ADGRB3: variants seen among roughly 807,000 people sequenced by gnomAD.
The protein encoded by ADGRB3 is adhesion G protein-coupled receptor B3.
In ADGRB3, 37 loss-of-function variants were observed where a neutral mutation model predicts 193.4. The observed-to-expected ratio is 0.19, with a 90% CI of 0.15 to 0.25. ADGRB3 has a LOEUF of 0.25. ADGRB3 is among the 10% of genes least tolerant of loss of function. The pLI is 1.00. For missense variants in ADGRB3, 1,637 were observed against 1,852.9 expected (o/e 0.88, Z 2.14); for synonymous variants, 690 against 644.2 (o/e 1.07, Z -1.08).
chr6:68,857,726 G>T (rs984079530), intron 3 of ADGRB3, among the ~76,000 whole-genome samples: 1 of 152,188 alleles, frequency 6.6e-6, no homozygotes, highest in Non-Finnish European at 1.5e-5. Flanking sequence ...TTGGGGGACT[G>T]TTGGGAAGGC....
At chr6:69,154,930 T>C (rs1400382705) in intron 17 of ADGRB3, among the ~76,000 whole-genome samples, 1 of 152,256 alleles carries the variant, frequency 6.6e-6, no homozygotes, top group African/African-American at 2.4e-5. Flanking sequence ...AGCATATTCT[T>C]ACAAGTGAAG....
chr6:69,281,531 A>T (rs1374309721), intron 20 of ADGRB3, among the ~76,000 whole-genome samples: 1 of 152,200 alleles, frequency 6.6e-6, no homozygotes, highest in Non-Finnish European at 1.5e-5. Context: ...TGCAAATTCT[A>T]GAGGCCTGGC....
At chr6:68,925,400 C>T (rs1767151578) in intron 3 of ADGRB3, among the ~76,000 whole-genome samples, 1 of 151,854 alleles carries the variant, frequency 6.6e-6, no homozygotes, top group African/African-American at 2.4e-5. Flanking sequence ...AAATATGAGC[C>T]TATAAGGCAT....
chr6:68,895,692 C>T (rs1766200235), intron 3 of ADGRB3, among the ~76,000 whole-genome samples: 1 of 151,878 alleles, frequency 6.6e-6, no homozygotes, highest in African/African-American at 2.4e-5. Context: ...TGAGCAAAAT[C>T]ACCAAATAAC....
chr6:69,091,033 G>GA (rs1279816550), intron 17 of ADGRB3, among the ~76,000 whole-genome samples: 1 of 152,086 alleles, frequency 6.6e-6, no homozygotes, highest in Non-Finnish European at 1.5e-5. Flanking sequence ...ATAATCATAT[G>GA]AAAAAAGGTT....
At chr6:68,753,858 A>AT (rs1219096023) in intron 3 of ADGRB3, among the ~76,000 whole-genome samples, 6 of 152,030 alleles carry the variant, frequency 3.9e-5, no homozygotes, top group Admixed American at 6.6e-5. Flanking sequence ...CCCAGTTGAA[A>AT]TTTTTTTTCT....
chr6:69,202,295 T>C (rs1421464083), intron 17 of ADGRB3, among the ~76,000 whole-genome samples: 2 of 152,170 alleles, frequency 1.3e-5, no homozygotes, highest in Non-Finnish European at 2.9e-5. Context: ...AAGTTATCTA[T>C]GGTATCTAGG....
At chr6:68,764,807 G>A (rs1442397311) in intron 3 of ADGRB3, among the ~76,000 whole-genome samples, 3 of 152,098 alleles carry the variant, frequency 2.0e-5, no homozygotes, top group African/African-American at 7.2e-5. Context: ...ATCTTGAAAT[G>A]TTTCAACATG....
chr6:69,281,665 A>G (rs554555160), intron 20 of ADGRB3, among the ~76,000 whole-genome samples: 1 of 152,292 alleles, frequency 6.6e-6, no homozygotes. Flanking sequence ...TCTGGATTAG[A>G]GCACAGTCCA....
chr6:69,123,487 A>G (rs1368809411), intron 17 of ADGRB3, among the ~76,000 whole-genome samples: 1 of 152,210 alleles, frequency 6.6e-6, no homozygotes, highest in African/African-American at 2.4e-5. Flanking sequence ...ACAGTGAACT[A>G]AACAAGCAAG....
intron 20 of ADGRB3, among the ~76,000 whole-genome samples, chr6:69,248,966 G>T (rs1273500142): frequency 6.6e-6 from 1 of 152,102 alleles, no homozygotes; most frequent in African/African-American, 2.4e-5. Flanking sequence ...AAAACACTTT[G>T]AATTTCTTCT....
At chr6:68,650,978 T>C (rs1257235153) in intron 3 of ADGRB3, among the ~76,000 whole-genome samples, 2 of 152,234 alleles carry the variant, frequency 1.3e-5, no homozygotes, top group Non-Finnish European at 2.9e-5. Flanking sequence ...TTATGTTTAC[T>C]ACTTATAAAA....
At chr6:69,210,264 A>G (rs1377202203) in intron 17 of ADGRB3, among the ~76,000 whole-genome samples, 1 of 149,870 alleles carries the variant, frequency 6.7e-6, no homozygotes, top group Non-Finnish European at 1.5e-5. Flanking sequence ...TTGAGTTCCA[A>G]AACTGAAGAA....
chr6:69,024,588 A>G (rs1770370962), intron 13 of ADGRB3, among the ~76,000 whole-genome samples: 1 of 152,230 alleles, frequency 6.6e-6, no homozygotes, highest in East Asian at 1.9e-4. Context: ...TAGGCTAAAT[A>G]AGATCTTCAA....
rs535780607 is a variant in ADGRB3, at chr6:68,864,863, A to G, written c.758-65696A>G. Among the ~76,000 whole-genome samples the G allele has an allele frequency of 1.9e-3, 282 of 147,694 alleles. 2 individuals are homozygous for G. Among genetic ancestry groups the G allele is most frequent in the Non-Finnish European group, 3.4e-3 (226 of 66,482 alleles). On this transcript the variant is annotated intron_variant, in intron 3 of 31. Coordinates refer to ENST00000370598, the MANE Select transcript of ADGRB3 (RefSeq NM_001704.3). ...TCTCTAGGTTATTAATTTGTAAGAC[A>G]TTATAAATGTAGCAAGTAGTATCTG...
In ADGRB3 at chr6:68,833,583, G is replaced by A. The variant is rs148057601; in HGVS notation, c.758-96976G>A. ...GATAAGTATTCTTATATTAAAGAAT[G>A]AAGTATTTGAACTTAGAATCTTCAT... On this transcript the variant is annotated intron_variant, in intron 3 of 31. Coordinates refer to ENST00000370598, the MANE Select transcript of ADGRB3 (RefSeq NM_001704.3). 2.1e-3 allele frequency among the ~76,000 whole-genome samples: 230 copies of A among 109,114 alleles called. 10 individuals carry two copies. Among genetic ancestry groups the A allele is most frequent in the Admixed American group, 4.4e-3 (44 of 9,954 alleles). 71.6% of individuals were successfully genotyped at this position (109,114 alleles called of 152,430 possible). A position where few individuals can be genotyped will look rare whatever the true frequency, so the allele number is the denominator to read the frequency against.
At chr6:68,911,592 GA>G (rs1440662150) in intron 3 of ADGRB3, among the ~76,000 whole-genome samples, 2 of 152,100 alleles carry the variant, frequency 1.3e-5, no homozygotes, top group African/African-American at 4.8e-5. Flanking sequence ...CAATTAAAAA[GA>G]AAGTGCACAT....
At chr6:68,896,651 C>T (rs930415036) in intron 3 of ADGRB3, among the ~76,000 whole-genome samples, 1 of 151,828 alleles carries the variant, frequency 6.6e-6, no homozygotes, top group Admixed American at 6.6e-5. Context: ...AAGCAGAAAG[C>T]GTATGGGGAA....
chr6:69,217,349 A>G (rs942013954), intron 17 of ADGRB3, among the ~76,000 whole-genome samples: 3 of 152,194 alleles, frequency 2.0e-5, no homozygotes, highest in African/African-American at 4.8e-5. Context: ...AGCCTCTAAG[A>G]TAAATCTGTA....
Sources: allele counts gnomAD v4.1 joint callset (sites outside exome capture counted in the v4.1 genomes callset), GRCh38; gene constraint gnomAD v4.1.1; transcripts MANE v1.5; gene names NCBI Gene and HGNC (gene_info 2026-07-23, HGNC 2026-07-21).